The following FOXP2 variants were observed in gnomAD, a reference collection of about 807,000 sequenced individuals.
FOXP2 encodes forkhead box protein P2.
FOXP2 carries 12 observed loss-of-function variants against 115.8 expected under a neutral mutation model. The ratio of observed to expected loss-of-function variants is 0.10; its 90% CI spans 0.07 to 0.17. The LOEUF (loss-of-function observed/expected upper bound fraction) is 0.17. FOXP2 is among the 10% of genes least tolerant of loss of function. The probability of loss-of-function intolerance (pLI) is 1.00; values close to 1 mark genes in which losing one functional copy is unlikely to be tolerated. For synonymous variants in FOXP2, 328 were observed against 297.7 expected, an observed-to-expected ratio of 1.10 and a Z score of -1.05; for missense variants, 629 against 843.5, an observed-to-expected ratio of 0.75 and a Z score of 3.15.
intron 3 of FOXP2, among the ~76,000 whole-genome samples, chr7:114,610,222 TTAGA>T (rs1322243280): frequency 6.6e-6 from 1 of 152,226 alleles, no homozygotes; most frequent in Non-Finnish European, 1.5e-5. Flanking sequence ...GTTGGGAGAC[TTAGA>T]TTATTTAGCT....
At chr7:114,306,768 G>A (rs1343137366) in intron 2 of FOXP2, among the ~76,000 whole-genome samples, 1 of 152,082 alleles carries the variant, frequency 6.6e-6, no homozygotes, top group Non-Finnish European at 1.5e-5. Context: ...GGAGGTGCAA[G>A]GGAAGAATCC....
chr7:114,560,963 C>G (rs992069292), intron 3 of FOXP2: 1 of 152,180 alleles, frequency 6.6e-6, no homozygotes, highest in African/African-American at 2.4e-5. Context: ...AATCTGGTCT[C>G]AGAAGGAGCA....
chr7:114,381,629 A>G (rs1792299202), intron 2 of FOXP2, among the ~76,000 whole-genome samples: 1 of 152,154 alleles, frequency 6.6e-6, no homozygotes, highest in Admixed American at 6.5e-5. Context: ...TTCCTCTGGT[A>G]TTTGGGAAAG....
At chr7:114,254,170 G>A (rs1329126760) in intron 1 of FOXP2, among the ~76,000 whole-genome samples, 7 of 152,168 alleles carry the variant, frequency 4.6e-5, no homozygotes, top group Admixed American at 3.3e-4. Context: ...TCTGCTGTTA[G>A]TCTGATGGGC....
chr7:114,229,872 G>A (rs573769224), intron 1 of FOXP2, among the ~76,000 whole-genome samples: 1 of 151,754 alleles, frequency 6.6e-6, no homozygotes, highest in East Asian at 1.9e-4. Context: ...AATGCTAGAA[G>A]AAGGAAGGAA....
At chr7:114,216,778 TTC>T (rs1045767575) in intron 1 of FOXP2, among the ~76,000 whole-genome samples, 30 of 152,122 alleles carry the variant, frequency 2.0e-4, no homozygotes, top group East Asian at 1.9e-4. Context: ...GTCTTCCACA[TTC>T]TCTGTTTCCA....
At chr7:114,517,915 G>T (rs1296245703) in intron 2 of FOXP2, among the ~76,000 whole-genome samples, 1 of 152,026 alleles carries the variant, frequency 6.6e-6, no homozygotes, top group Non-Finnish European at 1.5e-5. Flanking sequence ...ATCACTTGGA[G>T]CAGTATAGAC....
intron 1 of FOXP2, among the ~76,000 whole-genome samples, chr7:114,203,100 C>A (rs1234940628): frequency 1.3e-5 from 2 of 152,222 alleles, no homozygotes; most frequent in African/African-American, 4.8e-5. Flanking sequence ...GATCCTCTTT[C>A]CTCTGGATGG....
chr7:114,476,001 T>C (rs1796241677), intron 2 of FOXP2, among the ~76,000 whole-genome samples: 1 of 151,862 alleles, frequency 6.6e-6, no homozygotes, highest in African/African-American at 2.4e-5. Context: ...CAAACTAATA[T>C]CTATATCTAT....
intron 2 of FOXP2, among the ~76,000 whole-genome samples, chr7:114,495,483 CTTTTTTTTTTTTT>C (rs35933398): frequency 4.2e-3 from 259 of 61,458 alleles, no homozygotes; most frequent in African/African-American, 9.3e-3. Context: ...TTCTCTCTCT[CTTTTTTTTTTTTT>C]TTTTTTTTTT....
chr7:114,556,653 G>A (rs921883760), intron 3 of FOXP2, among the ~76,000 whole-genome samples: 1 of 152,164 alleles, frequency 6.6e-6, no homozygotes, highest in South Asian at 2.1e-4. Flanking sequence ...CCACCAAAAA[G>A]TAATTAAAGG....
intron 2 of FOXP2, among the ~76,000 whole-genome samples, chr7:114,532,530 T>G (rs2129276217): frequency 6.6e-6 from 1 of 152,042 alleles, no homozygotes; most frequent in Admixed American, 6.6e-5. Flanking sequence ...ATTCATAAAT[T>G]GCTTTGTGAT....
intron 2 of FOXP2, among the ~76,000 whole-genome samples, chr7:114,317,287 G>A (rs1275165967): frequency 2.6e-5 from 4 of 152,062 alleles, no homozygotes; most frequent in Non-Finnish European, 4.4e-5. Flanking sequence ...GTATAACAGT[G>A]GATATGTTTG....
intron 2 of FOXP2, among the ~76,000 whole-genome samples, chr7:114,475,640 T>C (rs1426928741): frequency 1.3e-5 from 2 of 152,028 alleles, no homozygotes; most frequent in Non-Finnish European, 2.9e-5. Flanking sequence ...AAGTAAAACA[T>C]TTTTAAAATA....
intron 2 of FOXP2, among the ~76,000 whole-genome samples, chr7:114,306,511 C>T (rs1452570587): frequency 6.6e-6 from 1 of 152,136 alleles, no homozygotes; most frequent in Non-Finnish European, 1.5e-5. Flanking sequence ...GTGAAAACTG[C>T]ATAGAATCTG....
intron 1 of FOXP2, among the ~76,000 whole-genome samples, chr7:114,121,402 G>A (rs1012605513): frequency 1.3e-5 from 2 of 152,038 alleles, no homozygotes; most frequent in Admixed American, 1.3e-4. Context: ...TGTTATCGCA[G>A]CCCAAACTGA....
chr7:114,205,459 C>G (rs140590044), intron 1 of FOXP2, among the ~76,000 whole-genome samples: 2 of 152,114 alleles, frequency 1.3e-5, no homozygotes, highest in African/African-American at 4.8e-5. Flanking sequence ...ATGAGTATCA[C>G]TACATTGGTA....
intron 2 of FOXP2, among the ~76,000 whole-genome samples, chr7:114,353,736 G>C (rs1280788096): frequency 6.6e-6 from 1 of 151,912 alleles, no homozygotes; most frequent in Admixed American, 6.6e-5. Context: ...CCTCTCTACT[G>C]TCATCTACTG....
chr7:114,436,203 ATTAAT>A (rs1025075201), intron 2 of FOXP2, among the ~76,000 whole-genome samples: 3 of 151,958 alleles, frequency 2.0e-5, no homozygotes, highest in Non-Finnish European at 4.4e-5. Context: ...TAATATAATT[ATTAAT>A]TTATTTTCTT....
Sources: allele counts gnomAD v4.1 joint callset (sites outside exome capture counted in the v4.1 genomes callset), GRCh38; gene constraint gnomAD v4.1.1; transcripts MANE v1.5; gene names NCBI Gene and HGNC (gene_info 2026-07-23, HGNC 2026-07-21).